The following MYOM2 variants were observed in gnomAD, a reference collection of about 807,000 sequenced individuals.
MYOM2 encodes myomesin-2.
A neutral mutation model predicts 187.6 loss-of-function variants in MYOM2; 254 were observed. That is an observed-to-expected ratio of 1.35 (90% CI 1.22 to 1.50). MYOM2 has a LOEUF of 1.50. Ranked by LOEUF, MYOM2 falls within the 40% of genes most tolerant of loss-of-function variation. MYOM2 has a pLI of 0.00. For synonymous variants in MYOM2, 981 were observed against 753.8 expected (o/e 1.30, Z -4.94); for missense variants, 2,796 against 1,924.0 (o/e 1.45, Z -8.48).
intron 32 of MYOM2, among the ~76,000 whole-genome samples, chr8:2,138,875 C>A (rs1798174466): frequency 6.6e-6 from 1 of 152,174 alleles, no homozygotes; most frequent in Admixed American, 6.5e-5. Flanking sequence ...CCATTTCGGC[C>A]TCTCTGGCTT....
At chr8:2,082,328 A>G (rs1585869743) in intron 13 of MYOM2, 1 of 152,322 alleles carries the variant, frequency 6.6e-6, no homozygotes, top group East Asian at 1.9e-4. Flanking sequence ...GAAGCGAACC[A>G]TTTCGGGATT....
chr8:2,079,727 A>T, intron 13 of MYOM2, 114 bp downstream of exon 13: 2 of 1,175,278 alleles, frequency 1.7e-6, no homozygotes, highest in Non-Finnish European at 2.6e-6. Flanking sequence ...TCTGCATGGA[A>T]AAATGAAAAC....
chr8:2,063,041 G>T (rs1178673807), intron 6 of MYOM2, among the ~76,000 whole-genome samples: 2 of 152,154 alleles, frequency 1.3e-5, no homozygotes, highest in Non-Finnish European at 2.9e-5. Context: ...CTTGGATTTT[G>T]CTTGCATATG....
At chr8:2,128,720 C>T (rs1017495876) in intron 31 of MYOM2, among the ~76,000 whole-genome samples, 1 of 152,196 alleles carries the variant, frequency 6.6e-6, no homozygotes, top group African/African-American at 2.4e-5. Flanking sequence ...TTGACTCCCA[C>T]CTGAAAGAGT....
At chr8:2,139,321 T>G (rs1184388450) in intron 32 of MYOM2, among the ~76,000 whole-genome samples, 1 of 151,536 alleles carries the variant, frequency 6.6e-6, no homozygotes, top group Non-Finnish European at 1.5e-5. Flanking sequence ...TTTTTATTTT[T>G]GTTGAGACAG....
At chr8:2,120,761 CCT>C (rs199761087) in intron 28 of MYOM2, among the ~76,000 whole-genome samples, 2,978 of 116,030 alleles carry the variant, frequency 0.026, 41 homozygotes, top group Middle Eastern at 0.048. Flanking sequence ...GTTTTCCCTT[CCT>C]CTCTTCTTGA....
At chr8:2,129,608 C>G (rs1478207217) in intron 32 of MYOM2, among the ~76,000 whole-genome samples, 1 of 151,242 alleles carries the variant, frequency 6.6e-6, no homozygotes, top group Non-Finnish European at 1.5e-5. Context: ...TCCCGCTAGA[C>G]TTGATTAAAA....
At chr8:2,091,940 C>T (rs897115539) in intron 15 of MYOM2, among the ~76,000 whole-genome samples, 15 of 152,114 alleles carry the variant, frequency 9.9e-5, no homozygotes, top group African/African-American at 3.1e-4. Flanking sequence ...ATTTTGAGTG[C>T]CCCTCGGAGA....
In MYOM2 at chr8:2,052,297, CAGG is replaced by C; in HGVS notation, c.250_252del (p.Glu84del). ...AGTGAGCACGCAGGAAGATGAGGAG[CAGG>C]AGAACAGAAGCAGGTGAGCACATGG... On this transcript the variant is annotated inframe_deletion, in exon 3 of 37. Coordinates refer to ENST00000262113, the MANE Select transcript of MYOM2 (RefSeq NM_003970.4). The C allele has an allele frequency of 3.1e-6, 5 of 1,604,436 alleles. No homozygotes were observed. The highest frequency in any genetic ancestry group is 1.1e-5 in the South Asian group (1 of 89,602).
intron 6 of MYOM2, among the ~76,000 whole-genome samples, chr8:2,067,045 G>T (rs530241387): frequency 6.6e-6 from 1 of 152,170 alleles, no homozygotes; most frequent in Non-Finnish European, 1.5e-5. Context: ...AGGTCAGATG[G>T]TTTTATCTGA....
chr8:2,126,008 G>A (rs1162325402), intron 31 of MYOM2, among the ~76,000 whole-genome samples: 1 of 152,022 alleles, frequency 6.6e-6, no homozygotes, highest in African/African-American at 2.4e-5. Flanking sequence ...GTAAAAATGT[G>A]GCTTTACTCT....
intron 32 of MYOM2, among the ~76,000 whole-genome samples, chr8:2,139,922 A>C (rs1244107779): frequency 6.6e-6 from 1 of 152,196 alleles, no homozygotes; most frequent in Non-Finnish European, 1.5e-5. Flanking sequence ...CATAATACAC[A>C]TAATGTAAAA....
intron 32 of MYOM2, among the ~76,000 whole-genome samples, chr8:2,137,653 G>A (rs1168930278): frequency 2.0e-5 from 3 of 152,170 alleles, no homozygotes. Flanking sequence ...GCCTATCAGT[G>A]TTGGCAAAAC....
intron 2 of MYOM2, among the ~76,000 whole-genome samples, chr8:2,051,807 G>C (rs1188118337): frequency 6.6e-6 from 1 of 152,124 alleles, no homozygotes; most frequent in East Asian, 1.9e-4. Context: ...CACAGGCTTG[G>C]GTTTGCCTGT....
In MYOM2 at chr8:2,098,597, C is replaced by G. The variant is rs1043030040; in HGVS notation, c.2314-260C>G. ...GCTGGGGTATCACCTGTCCCCTACC[C>G]CCGCAGGAGTGGGATTGAGTGAAGG... On this transcript the variant is annotated intron_variant, in intron 18 of 36. Transcript: ENST00000262113. 2.0e-5 allele frequency among the ~76,000 whole-genome samples: 3 copies of G among 152,178 alleles called. No individual in the cohort carries two copies. In the South Asian group the frequency reaches 6.2e-4, roughly 31 times the overall value.
At chr8:2,130,744 A>C (rs994974453) in intron 32 of MYOM2, among the ~76,000 whole-genome samples, 1 of 152,174 alleles carries the variant, frequency 6.6e-6, no homozygotes, top group African/African-American at 2.4e-5. Flanking sequence ...TTTGTTAGGA[A>C]AGTGTATTGA....
intron 20 of MYOM2, among the ~76,000 whole-genome samples, chr8:2,101,357 A>T (rs1040028964): frequency 6.6e-6 from 1 of 152,218 alleles, no homozygotes; most frequent in Non-Finnish European, 1.5e-5. Context: ...TGTCTCAAAA[A>T]CAAAACACAC....
chr8:2,090,037 A>G lies in MYOM2; in HGVS notation c.1674A>G (p.Arg558=), dbSNP rs756307362. 1 of 1,613,854 alleles carries G rather than the reference A, an allele frequency of 6.2e-7. No individual in the cohort carries two copies. The highest frequency in any genetic ancestry group is 2.2e-5 in the East Asian group (1 of 44,864). The change falls in exon 15 of 37, where the codon AGA becomes AGG. Residue 558 remains arginine (R), a synonymous_variant. Coordinates refer to ENST00000262113, the MANE Select transcript of MYOM2 (RefSeq NM_003970.4). ...TGGTGGGGAGCGGCAGCTGGCAGAG[A>G]GTCAACGCCCAGACGGCTGTGAGAT... The part of the protein sequence containing the change: ...KSVVGSGSWQ[R]VNAQTAVRSP...
rs78965763 is a variant in MYOM2, at chr8:2,045,466, C to T, written c.-13+298C>T. Among the ~76,000 whole-genome samples, 603 of 152,322 alleles carry T rather than the reference C, an allele frequency of 4.0e-3. 8 individuals are homozygous for T. The highest frequency in any genetic ancestry group is 0.038 in the East Asian group (195 of 5,170). On this transcript the variant is annotated intron_variant, in intron 1 of 36. Transcript: ENST00000262113. ...GGTTTTAGCCCTGGTCTCATCGTGG[C>T]CCCAGGGGGCCCCCCAGTCAGTGGA...
Sources: gnomAD v4.1 joint callset for allele counts (sites outside exome capture counted in the v4.1 genomes callset) on GRCh38, gnomAD v4.1.1 for gene constraint, MANE v1.5 for transcripts, NCBI Gene and HGNC (gene_info 2026-07-23, HGNC 2026-07-21) for gene names.